The following DCAF6 variants were observed in gnomAD, a reference collection of about 807,000 sequenced individuals.
The protein encoded by DCAF6 is DDB1 and CUL4 associated factor 6, also known as DDB1- and CUL4-associated factor 6.
A neutral mutation model predicts 125.1 loss-of-function variants in DCAF6; 54 were observed. The observed-to-expected ratio is 0.43, with a 90% CI of 0.35 to 0.54. The LOEUF (loss-of-function observed/expected upper bound fraction) is 0.54. Ranked by LOEUF, DCAF6 falls within the 20% of genes least tolerant of loss-of-function variation. The probability of loss-of-function intolerance (pLI) is 0.01; values close to 1 mark genes in which losing one functional copy is unlikely to be tolerated. For synonymous variants in DCAF6, 371 were observed against 390.4 expected (o/e 0.95, Z 0.58); for missense variants, 934 against 1,161.7 (o/e 0.80, Z 2.85).
At chr1:168,046,366 A>C (rs1270306355) in intron 16 of DCAF6, among the ~76,000 whole-genome samples, 1 of 152,186 alleles carries the variant, frequency 6.6e-6, no homozygotes, top group East Asian at 1.9e-4. Context: ...AATTACAGTA[A>C]GAATGACTCT....
the DCAF6 span, among the ~76,000 whole-genome samples, chr1:167,884,902 TAGTC>T: frequency 6.6e-6 from 1 of 152,230 alleles, no homozygotes; most frequent in Non-Finnish European, 1.5e-5. Flanking sequence ...TTCACTGTGT[TAGTC>T]AGACTGGTCT....
the DCAF6 span, among the ~76,000 whole-genome samples, chr1:167,921,855 G>C: frequency 6.6e-6 from 1 of 152,120 alleles, no homozygotes; most frequent in African/African-American, 2.4e-5. Flanking sequence ...GATTGTCAAT[G>C]AATATATATT....
chr1:167,885,763 C>T, the DCAF6 span, among the ~76,000 whole-genome samples: 2 of 151,984 alleles, frequency 1.3e-5, no homozygotes, highest in Admixed American at 6.6e-5. Context: ...TACAGGCGCC[C>T]ACCACTACGC....
At chr1:167,905,219 G>A in the DCAF6 span, 1 of 1,473,976 alleles carries the variant, frequency 6.8e-7, no homozygotes, top group Non-Finnish European at 9.5e-7. Flanking sequence ...AATTGAAATA[G>A]AGGAAATCTG....
chr1:167,903,514 A>G, the DCAF6 span, among the ~76,000 whole-genome samples: 4 of 152,134 alleles, frequency 2.6e-5, no homozygotes, highest in Non-Finnish European at 4.4e-5. Flanking sequence ...CAGTGAGCCA[A>G]GATTGTGCCA....
chr1:168,025,056 T>A (rs1686166107), intron 12 of DCAF6, among the ~76,000 whole-genome samples: 1 of 152,178 alleles, frequency 6.6e-6, no homozygotes, highest in Non-Finnish European at 1.5e-5. Context: ...GCCTACTATA[T>A]TAGACTACTG....
chr1:167,916,515 A>G, the DCAF6 span, among the ~76,000 whole-genome samples: 17 of 152,236 alleles, frequency 1.1e-4, no homozygotes, highest in African/African-American at 4.1e-4. Context: ...CCAAGATTTA[A>G]TTTTTAAGAT....
intron 21 of DCAF6, among the ~76,000 whole-genome samples, chr1:168,070,182 C>G (rs1692848259): frequency 6.6e-6 from 1 of 151,968 alleles, no homozygotes; most frequent in African/African-American, 2.4e-5. Context: ...TGCCAGCAAT[C>G]AAAAAGACAA....
At chr1:167,977,206 C>T (rs1678375629) in intron 4 of DCAF6, among the ~76,000 whole-genome samples, 2 of 145,940 alleles carry the variant, frequency 1.4e-5, no homozygotes, top group South Asian at 4.3e-4. Flanking sequence ...GCCTGGGCCA[C>T]AGTTTTTTTT....
chr1:168,021,060 T>C (rs1381193303), intron 11 of DCAF6, among the ~76,000 whole-genome samples: 3 of 152,194 alleles, frequency 2.0e-5, no homozygotes, highest in African/African-American at 7.2e-5. Context: ...ATATTTTAAA[T>C]ACTTCAAGAG....
the DCAF6 span, among the ~76,000 whole-genome samples, chr1:167,874,229 G>A: frequency 2.6e-5 from 4 of 152,144 alleles, no homozygotes; most frequent in African/African-American, 9.7e-5. Flanking sequence ...TACTCAGGAG[G>A]CTGAGTCCTG....
the DCAF6 span, among the ~76,000 whole-genome samples, chr1:167,875,793 A>G: frequency 1.3e-5 from 2 of 152,112 alleles, no homozygotes; most frequent in African/African-American, 4.8e-5. Flanking sequence ...TACCAAAAAT[A>G]CAAAAAGAAA....
chr1:168,068,313 C>T, intron 20 of DCAF6, 45 bp from the exon 21 acceptor site: 4 of 1,390,836 alleles, frequency 2.9e-6, no homozygotes, highest in African/African-American at 1.4e-5. Flanking sequence ...GGAAAAAATA[C>T]AGTTACTTTA....
chr1:168,058,912 T>C (rs1691246560), intron 17 of DCAF6, among the ~76,000 whole-genome samples: 1 of 152,230 alleles, frequency 6.6e-6, no homozygotes, highest in Admixed American at 6.5e-5. Context: ...GAGTTGTTTT[T>C]CTTTTCCTTA....
rs1410104835 is a variant in DCAF6 at position 167,936,700 on chromosome 1, TAAGAAG to T, written c.-211_-206del. 3.6e-6 allele frequency: 2 copies of T among 561,884 alleles called. No homozygotes were observed. Among genetic ancestry groups the T allele is most frequent in the Admixed American group, 6.4e-5 (2 of 31,222 alleles). The allele number at this position is 561,884 out of a possible 1,614,324, so 34.8% of individuals were successfully genotyped here. On this transcript the variant is annotated 5_prime_UTR_variant, in exon 1 of 22. It removes the in-frame stop codon of an upstream open reading frame in the 5' UTR. Transcript: ENST00000367840. ...TGATCTTTGGATGTTCTGGTTAGTC[TAAGAAG>T]GAGAGTATGAGGCGAGCTCCGGCCC...
chr1:167,965,203 A>G (rs1468389059), intron 2 of DCAF6, among the ~76,000 whole-genome samples: 1 of 152,218 alleles, frequency 6.6e-6, no homozygotes, highest in African/African-American at 2.4e-5. Flanking sequence ...CTACAGGCCT[A>G]TGATTAGGTG....
At chr1:167,935,985 C>T (rs1671156194), upstream of DCAF6, 2 of 670,332 alleles carry the variant, frequency 3.0e-6, no homozygotes, top group African/African-American at 1.8e-5. Flanking sequence ...GCGGCTTTCC[C>T]TGCCCGCTGT....
chr1:168,071,946 A>G (rs950279967), intron 21 of DCAF6, among the ~76,000 whole-genome samples: 1 of 152,180 alleles, frequency 6.6e-6, no homozygotes, highest in African/African-American at 2.4e-5. Flanking sequence ...CATCTGCCCA[A>G]CTTTGCCCCC....
intron 1 of DCAF6, among the ~76,000 whole-genome samples, chr1:167,939,126 C>T (rs977283557): frequency 2.6e-5 from 4 of 152,074 alleles, no homozygotes; most frequent in Non-Finnish European, 5.9e-5. Flanking sequence ...ATTTATTGGC[C>T]TTTACCCTTA....
Sources: gnomAD v4.1 joint callset for allele counts (sites outside exome capture counted in the v4.1 genomes callset) on GRCh38, gnomAD v4.1.1 for gene constraint, MANE v1.5 for transcripts, NCBI Gene and HGNC (gene_info 2026-07-23, HGNC 2026-07-21) for gene names.